Variants in THSD7B observed in about 807,000 individuals in gnomAD.
The protein encoded by THSD7B is thrombospondin type 1 domain containing 7B.
A neutral mutation model predicts 213.6 loss-of-function variants in THSD7B; 138 were observed. That is an observed-to-expected ratio of 0.65 (90% CI 0.56 to 0.74). THSD7B has a LOEUF of 0.74. Among genes scored for constraint, THSD7B ranks in the 30% least tolerant of loss-of-function variants. THSD7B has a pLI of 0.00. For synonymous variants in THSD7B, 742 were observed against 687.0 expected (o/e 1.08, Z -1.25); for missense variants, 1,931 against 1,991.5 (o/e 0.97, Z 0.58).
intron 5 of THSD7B, among the ~76,000 whole-genome samples, chr2:137,152,535 A>T (rs1340099269): frequency 6.6e-6 from 1 of 152,242 alleles, no homozygotes; most frequent in African/African-American, 2.4e-5. Flanking sequence ...GTAAAAATAG[A>T]AATGATAATT....
At chr2:137,452,733 T>G (rs1470097125) in intron 15 of THSD7B, among the ~76,000 whole-genome samples, 3 of 152,154 alleles carry the variant, frequency 2.0e-5, no homozygotes, top group African/African-American at 7.2e-5. Flanking sequence ...TAGGCAAATG[T>G]ATGGACATGT....
At chr2:137,126,732 A>G (rs1224118680) in intron 5 of THSD7B, among the ~76,000 whole-genome samples, 1 of 152,234 alleles carries the variant, frequency 6.6e-6, no homozygotes, top group African/African-American at 2.4e-5. Context: ...GCTTTCAGCC[A>G]GTCTTGGCTT....
intron 4 of THSD7B, among the ~76,000 whole-genome samples, chr2:137,101,690 C>G (rs1459185819): frequency 6.6e-6 from 1 of 152,168 alleles, no homozygotes; most frequent in Non-Finnish European, 1.5e-5. Context: ...CTGGGATGCT[C>G]AAGCTTGGTG....
chr2:137,219,479 A>C (rs926033226), intron 7 of THSD7B, among the ~76,000 whole-genome samples: 6 of 152,166 alleles, frequency 3.9e-5, no homozygotes, highest in African/African-American at 1.4e-4. Context: ...AAAACAGAAG[A>C]GGTTACCAAC....
intron 25 of THSD7B, among the ~76,000 whole-genome samples, chr2:137,662,900 C>CA (rs928675070): frequency 1.1e-4 from 17 of 151,072 alleles, no homozygotes; most frequent in African/African-American, 1.7e-4. Context: ...ATTAAAAGAA[C>CA]AAAAAAAAGA....
chr2:137,117,007 G>A (rs1163532992), intron 5 of THSD7B, among the ~76,000 whole-genome samples: 1 of 152,178 alleles, frequency 6.6e-6, no homozygotes, highest in African/African-American at 2.4e-5. Flanking sequence ...AAGGCTGGAT[G>A]TGGGACCTGG....
intron 15 of THSD7B, among the ~76,000 whole-genome samples, chr2:137,509,263 T>C (rs1008414338): frequency 1.4e-4 from 21 of 151,264 alleles, no homozygotes; most frequent in African/African-American, 4.6e-4. Context: ...CCTTCCTTCC[T>C]TCTTTCCTTC....
At chr2:136,998,694 G>T (rs187827592) in intron 2 of THSD7B, among the ~76,000 whole-genome samples, 1 of 152,018 alleles carries the variant, frequency 6.6e-6, no homozygotes, top group African/African-American at 2.4e-5. Context: ...CTTTCATTTC[G>T]TACTTAGATC....
chr2:137,598,176 TG>T (rs527973688), intron 17 of THSD7B, among the ~76,000 whole-genome samples: 6 of 152,166 alleles, frequency 3.9e-5, no homozygotes, highest in Non-Finnish European at 8.8e-5. Context: ...ACATTATTTT[TG>T]TCCTGATGAA....
chr2:137,641,656 T>G (rs1682939614), intron 20 of THSD7B, among the ~76,000 whole-genome samples: 1 of 152,190 alleles, frequency 6.6e-6, no homozygotes, highest in African/African-American at 2.4e-5. Flanking sequence ...ATTCCATCAC[T>G]ATTCCACCTG....
intron 15 of THSD7B, among the ~76,000 whole-genome samples, chr2:137,492,387 T>C (rs1162922897): frequency 2.0e-5 from 3 of 152,206 alleles, no homozygotes; most frequent in Non-Finnish European, 4.4e-5. Flanking sequence ...TTTAGGCTTA[T>C]TAATCTCCAC....
At chr2:137,189,159 C>T (rs561971162) in intron 7 of THSD7B, among the ~76,000 whole-genome samples, 35 of 152,178 alleles carry the variant, frequency 2.3e-4, no homozygotes, top group Admixed American at 5.9e-4. Flanking sequence ...TCAGTTCCCA[C>T]TTCCCTGGCT....
intron 1 of THSD7B, among the ~76,000 whole-genome samples, chr2:136,857,505 T>G (rs1055392246): frequency 1.3e-5 from 2 of 152,248 alleles, no homozygotes; most frequent in African/African-American, 2.4e-5. Flanking sequence ...TTTCTCTCCC[T>G]TGTTTAATTT....
intron 5 of THSD7B, among the ~76,000 whole-genome samples, chr2:137,136,016 G>T (rs1243597949): frequency 6.6e-6 from 1 of 152,068 alleles, no homozygotes; most frequent in Admixed American, 6.6e-5. Context: ...CATGAATGAA[G>T]CTGGAAACCA....
At chr2:137,234,228 T>C (rs1681711388) in intron 9 of THSD7B, among the ~76,000 whole-genome samples, 2 of 152,238 alleles carry the variant, frequency 1.3e-5, no homozygotes, top group South Asian at 4.1e-4. Flanking sequence ...GACTACACCC[T>C]GCCCTCCATG....
intron 10 of THSD7B, among the ~76,000 whole-genome samples, chr2:137,262,455 G>A (rs982533122): frequency 3.7e-4 from 52 of 139,618 alleles, no homozygotes; most frequent in African/African-American, 1.3e-3. Flanking sequence ...AGGATTTGCG[G>A]AAAAAAAAAA....
At chr2:136,866,558 C>A (rs1184455627) in intron 1 of THSD7B, among the ~76,000 whole-genome samples, 1 of 152,198 alleles carries the variant, frequency 6.6e-6, no homozygotes, top group Non-Finnish European at 1.5e-5. Flanking sequence ...TATAGGGCAT[C>A]TGACATTCCA....
intron 17 of THSD7B, among the ~76,000 whole-genome samples, chr2:137,613,414 C>A (rs141968921): frequency 7.8e-4 from 119 of 152,166 alleles, no homozygotes; most frequent in African/African-American, 2.6e-3. Flanking sequence ...TTAAATCAGG[C>A]AAAAGGCTTT....
At chr2:137,141,487 C>G (rs1679584715) in intron 5 of THSD7B, among the ~76,000 whole-genome samples, 2 of 43,430 alleles carry the variant, frequency 4.6e-5, no homozygotes, top group South Asian at 6.9e-4. Flanking sequence ...TGTGTGCACA[C>G]ACACACTCAC....
Sources: allele counts gnomAD v4.1 joint callset (sites outside exome capture counted in the v4.1 genomes callset), GRCh38; gene constraint gnomAD v4.1.1; transcripts MANE v1.5; gene names NCBI Gene and HGNC (gene_info 2026-07-23, HGNC 2026-07-21).